The following KRT8 variants were observed in gnomAD, a reference collection of about 807,000 sequenced individuals.
KRT8 encodes the protein keratin, type II cytoskeletal 8.
In KRT8, 24 loss-of-function variants were observed where a neutral mutation model predicts 43.0. The ratio of observed to expected loss-of-function variants is 0.56; its 90% CI spans 0.40 to 0.78. The LOEUF is 0.78. Among genes scored for constraint, KRT8 ranks in the 30% least tolerant of loss-of-function variants. The pLI is 0.00. For missense variants in KRT8, 492 were observed against 638.4 expected (o/e 0.77, Z 2.47); for synonymous variants, 214 against 261.2 (o/e 0.82, Z 1.74).
rs112876857 is a variant in KRT8 at position 52,904,895 on chromosome 12, G to C, written c.87C>G (p.Pro29=). 9 of 1,612,774 alleles carry C rather than the reference G, an allele frequency of 5.6e-6. No individual in the cohort carries two copies. In the South Asian group the frequency reaches 8.8e-5, roughly 16 times the overall value. The change falls in exon 1 of 8, where the codon CCC becomes CCG. Residue 29 remains proline (P), a synonymous_variant. Coordinates refer to ENST00000692008, the Ensembl canonical transcript of KRT8. ...AGCTCGAGGAGCTGATGCGGGAACC[G>C]GGCCCACTCGTGTAGGAGCGGCTGC... is the stretch of plus-strand genomic sequence containing the variant.
chr12:52,901,048 G>A, intron 3 of KRT8, 111 bp downstream of exon 3: 1 of 832,692 alleles, frequency 1.2e-6, no homozygotes, highest in East Asian at 2.4e-5. Flanking sequence ...ACATAAATGA[G>A]TTTGTCCCAC....
At chr12:52,926,594 G>T in intron 2 of KRT8, 1 of 733,842 alleles carries the variant, frequency 1.4e-6, no homozygotes, top group Non-Finnish European at 2.3e-6. Flanking sequence ...TACACTTGCT[G>T]TGGGCATGTC....
upstream of KRT8, among the ~76,000 whole-genome samples, chr12:52,907,784 A>C (rs1292013602): frequency 6.6e-6 from 1 of 152,192 alleles, no homozygotes; most frequent in African/African-American, 2.4e-5. Flanking sequence ...GCAGGAGAAG[A>C]GGCCAGAGTT....
chr12:52,909,938 C>CT (rs1372949012), upstream of KRT8, among the ~76,000 whole-genome samples: 1 of 152,062 alleles, frequency 6.6e-6, no homozygotes, highest in East Asian at 1.9e-4. Flanking sequence ...GTCTCCCACA[C>CT]TTTTTTTTCT....
chr12:52,899,382 C>T (rs116590833), intron 5 of KRT8, among the ~76,000 whole-genome samples: 300 of 152,188 alleles, frequency 2.0e-3, no homozygotes, highest in African/African-American at 7.0e-3. Context: ...TTTCCAGGTG[C>T]TTCCCCTCCA....
chr12:52,911,432 G>A (rs548844034), upstream of KRT8, among the ~76,000 whole-genome samples: 21 of 152,242 alleles, frequency 1.4e-4, no homozygotes, highest in African/African-American at 5.1e-4. Flanking sequence ...CTGGGCACAT[G>A]CTGGGAAGAC....
intron 2 of KRT8, chr12:52,926,332 G>GGCCCCCCCCCC: frequency 4.3e-4 from 255 of 599,642 alleles, no homozygotes; most frequent in Middle Eastern, 1.1e-3. Flanking sequence ...GGCACTAGCT[G>GGCCCCCCCCCC]CCCTCCCCAC....
chr12:52,906,038 G>A (rs555067806), upstream of KRT8, among the ~76,000 whole-genome samples: 98 of 152,282 alleles, frequency 6.4e-4, 1 homozygote, highest in South Asian at 0.02. Context: ...CTGAGATCGT[G>A]CCACTGCACT....
chr12:52,932,915 C>A (rs761622238), intron 2 of KRT8, among the ~76,000 whole-genome samples: 2 of 152,068 alleles, frequency 1.3e-5, no homozygotes, highest in Non-Finnish European at 2.9e-5. Context: ...GTGATCAATA[C>A]ACAAAATTAC....
chr12:52,897,643 A>G (rs1410099691), intron 7 of KRT8, 25 bp from the exon 8 acceptor site: 2 of 1,597,786 alleles, frequency 1.3e-6, no homozygotes, highest in South Asian at 1.1e-5. Context: ...AGGTAGCCAC[A>G]TGAGTACAGA....
At chr12:52,938,136 CTATATATATATATATATATA>C (rs1161700326) in intron 2 of KRT8, among the ~76,000 whole-genome samples, 1 of 44,052 alleles carries the variant, frequency 2.3e-5, no homozygotes, top group African/African-American at 8.2e-5. Context: ...CACTAGAAAG[CTATATATATATATATATATA>C]TATATATATA....
chr12:52,898,735 C>G (rs775275679), exon 6 of KRT8: 1 of 1,614,114 alleles, frequency 6.2e-7, no homozygotes, highest in African/African-American at 1.3e-5. Context: ...TGTCCAGGGC[C>G]AGCTTGACGT....
At chr12:52,912,492 G>A (rs914394729) in intron 2 of KRT8, among the ~76,000 whole-genome samples, 2 of 152,200 alleles carry the variant, frequency 1.3e-5, no homozygotes, top group Non-Finnish European at 2.9e-5. Flanking sequence ...ACTTGACAAA[G>A]CATCCCAGGT....
intron 5 of KRT8, 55 bp from the exon 6 acceptor site, chr12:52,898,954 C>CGTGCTCCCACCCTCCCTCAGG: frequency 6.6e-7 from 1 of 1,512,314 alleles, no homozygotes; most frequent in South Asian, 1.1e-5. Flanking sequence ...TCTCTTCTCC[C>CGTGCTCCCACCCTCCCTCAGG]GTGCTCCCAC....
At chr12:52,897,419 C>G (rs779087897) in exon 8 of KRT8, 1 of 1,598,264 alleles carries the variant, frequency 6.3e-7, no homozygotes, top group Non-Finnish European at 8.5e-7. Flanking sequence ...GAGGGGCTGC[C>G]GCAGCTGTTC....
exon 1 of KRT8, chr12:52,949,853 A>C (rs757515582): frequency 1.5e-4 from 108 of 700,244 alleles, no homozygotes; most frequent in Middle Eastern, 2.5e-4. Flanking sequence ...GGAGGGAGGT[A>C]AGGAAAGGCC....
intron 2 of KRT8, chr12:52,948,811 C>T: frequency 2.4e-6 from 1 of 410,160 alleles, no homozygotes; most frequent in Non-Finnish European, 4.2e-6. Context: ...ATTTCAAACT[C>T]GCCAGCACCT....
At chr12:52,949,265 G>T (rs374064321) in intron 2 of KRT8, 9 of 1,611,096 alleles carry the variant, frequency 5.6e-6, no homozygotes, top group Admixed American at 3.3e-5. Flanking sequence ...CCGGTCAGCA[G>T]CGCGGCCAGC....
chr12:52,915,117 T>C lies in KRT8; in HGVS notation c.-46-10090A>G, dbSNP rs190585659. 2.0e-3 allele frequency among the ~76,000 whole-genome samples: 312 copies of C among 152,246 alleles called. 1 individual carries two copies. Among genetic ancestry groups the C allele is most frequent in the Non-Finnish European group, 3.4e-3 (230 of 68,002 alleles). Reference sequence around the variant, plus strand: ...GGCCAGGCGCGGTGGCTCACGCCTGTAATCCCAGCTCTTTGGGAGGCAGAG... The same window carrying C: ...GGCCAGGCGCGGTGGCTCACGCCTGCAATCCCAGCTCTTTGGGAGGCAGAG... On this transcript the variant is annotated intron_variant, in intron 2 of 6. Transcript: ENST00000546826.
Sources: allele counts gnomAD v4.1 joint callset (sites outside exome capture counted in the v4.1 genomes callset), GRCh38; gene constraint gnomAD v4.1.1; transcripts MANE v1.5; gene names NCBI Gene and HGNC (gene_info 2026-07-23, HGNC 2026-07-21).